The following TBCE variants were observed in gnomAD, a reference collection of about 807,000 sequenced individuals.
TBCE encodes tubulin-specific chaperone E.
Under a neutral mutation model 77.0 loss-of-function variants are expected in TBCE, and 53 were observed. That is an observed-to-expected ratio of 0.69 (90% CI 0.55 to 0.87). The LOEUF is 0.87. TBCE is among the 40% of genes least tolerant of loss of function. The pLI, the probability that TBCE is intolerant of heterozygous loss-of-function variation, is 0.00. For synonymous variants in TBCE, 235 were observed against 241.3 expected (o/e 0.97, Z 0.24); for missense variants, 624 against 622.4 (o/e 1.00, Z -0.03).
chr1:235,398,442 G>A (rs78334653), intron 2 of TBCE, among the ~76,000 whole-genome samples: 17,131 of 151,398 alleles, frequency 0.11, 1,422 homozygotes, highest in Non-Finnish European at 0.17. Context: ...CACCGTGCCC[G>A]GGTATTGGAA....
At chr1:235,424,430 T>C (rs1680584961) in intron 5 of TBCE, among the ~76,000 whole-genome samples, 1 of 145,618 alleles carries the variant, frequency 6.9e-6, no homozygotes, top group South Asian at 2.2e-4. Flanking sequence ...GGTTCAAGGA[T>C]TCTTCTGCCT....
chr1:235,386,023 A>G (rs929643780), intron 2 of TBCE, among the ~76,000 whole-genome samples: 1 of 152,192 alleles, frequency 6.6e-6, no homozygotes, highest in East Asian at 1.9e-4. Flanking sequence ...TGGTGACAAA[A>G]TCTCTCAGTA....
chr1:235,389,609 G>T lies in TBCE; in HGVS notation c.100+9460G>T, dbSNP rs149485500. Among the ~76,000 whole-genome samples the T allele has an allele frequency of 5.5e-3, 832 of 152,184 alleles. 7 individuals are homozygous for T. Among genetic ancestry groups the T allele is most frequent in the African/African-American group, 0.019 (808 of 41,530 alleles). On this transcript the variant is annotated intron_variant, in intron 2 of 16. Coordinates refer to ENST00000642610, the MANE Select transcript of TBCE (RefSeq NM_003193.5). Reference sequence around the variant, plus strand: ...ACCTCCCAAAGTGCTGGGATTACAGGTGTGAGCCACCACGCCTGGCCTGCA... The same window carrying T: ...ACCTCCCAAAGTGCTGGGATTACAGTTGTGAGCCACCACGCCTGGCCTGCA...
chr1:235,448,465 G>GTCAAAGTCAAGCT, intron 16 of TBCE, 25 bp downstream of exon 16: 1 of 1,606,266 alleles, frequency 6.2e-7, no homozygotes, highest in Non-Finnish European at 8.5e-7. Context: ...AAAATACAAA[G>GTCAAAGTCAAGCT]TCAAAGTCAA....
intron 5 of TBCE, among the ~76,000 whole-genome samples, chr1:235,425,417 C>T (rs559142545): frequency 2.4e-4 from 36 of 152,220 alleles, no homozygotes; most frequent in African/African-American, 7.5e-4. Context: ...TGGAGACTCC[C>T]GGCCCTCCTT....
At chr1:235,440,269 C>G (rs940252287) in intron 13 of TBCE, among the ~76,000 whole-genome samples, 2 of 152,026 alleles carry the variant, frequency 1.3e-5, no homozygotes, top group African/African-American at 4.8e-5. Context: ...CGCGCCCAGC[C>G]AGGGAAAGCA....
intron 2 of TBCE, among the ~76,000 whole-genome samples, chr1:235,383,532 G>A (rs1238640422): frequency 4.6e-5 from 7 of 152,026 alleles, no homozygotes; most frequent in Admixed American, 2.0e-4. Context: ...GGTCCTTCAT[G>A]TCCCTTGTAA....
chr1:235,378,473 C>T (rs1389396260), intron 1 of TBCE, among the ~76,000 whole-genome samples: 1 of 152,190 alleles, frequency 6.6e-6, no homozygotes, highest in African/African-American at 2.4e-5. Context: ...ATCTGCCTGC[C>T]TTGGCCTCCC....
At position 235,438,785 on chromosome 1, in the gene TBCE, G is replaced by A; in HGVS notation, c.1133G>A (p.Arg378Lys). The A allele has an allele frequency of 1.9e-6, 3 of 1,614,180 alleles. No homozygotes were observed. Among genetic ancestry groups the A allele is most frequent in the Non-Finnish European group, 1.7e-6 (2 of 1,180,050 alleles). Residue 378 changes from arginine (R) to lysine (K), a missense_variant, in exon 13 of 17, where the codon AGG (arginine) becomes AAG (lysine). Coordinates refer to ENST00000642610, the MANE Select transcript of TBCE (RefSeq NM_003193.5). ...LNKCEILPEE[R>K]RRAELDYRKA... ...TGAACATAGATTCTCCCCGAGGAGA[G>A]GCGGAGAGCTGAGCTTGACTACCGA... is the stretch of plus-strand genomic sequence containing the variant.
At chr1:235,426,994 A>G (rs1680755304) in intron 5 of TBCE, 146 bp from the exon 6 acceptor site, 6 of 656,054 alleles carry the variant, frequency 9.1e-6, no homozygotes, top group Admixed American at 5.1e-5. Context: ...TAACTTAAAA[A>G]TATTATGTAC....
intron 7 of TBCE, among the ~76,000 whole-genome samples, chr1:235,432,637 G>A (rs1206785313): frequency 6.6e-6 from 1 of 152,052 alleles, no homozygotes; most frequent in East Asian, 1.9e-4. Context: ...AGAGCAAGAC[G>A]CATCTCACCC....
chr1:235,384,730 C>A (rs1029810856), intron 2 of TBCE, among the ~76,000 whole-genome samples: 3 of 152,038 alleles, frequency 2.0e-5, no homozygotes, highest in African/African-American at 7.2e-5. Context: ...GTCTTGCTAG[C>A]GGTCTATCAA....
intron 2 of TBCE, among the ~76,000 whole-genome samples, chr1:235,397,809 C>G (rs1428178707): frequency 2.6e-5 from 4 of 152,190 alleles, no homozygotes; most frequent in Admixed American, 2.6e-4. Context: ...AAGCAAAAAT[C>G]TGGATCTTAC....
intron 5 of TBCE, among the ~76,000 whole-genome samples, chr1:235,421,255 C>T (rs116101863): frequency 8.5e-4 from 129 of 152,180 alleles, no homozygotes; most frequent in Non-Finnish European, 1.7e-3. Flanking sequence ...AAAAATTAAA[C>T]AAAGCAAAAC....
intron 13 of TBCE, 161 bp downstream of exon 13, chr1:235,439,083 G>A (rs1681653476): frequency 3.2e-6 from 3 of 928,554 alleles, no homozygotes; most frequent in East Asian, 5.2e-5. Flanking sequence ...TTCCTGGGGC[G>A]AGGGCGGCAG....
chr1:235,406,017 C>G (rs577632751), intron 3 of TBCE, among the ~76,000 whole-genome samples: 1 of 152,146 alleles, frequency 6.6e-6, no homozygotes, highest in African/African-American at 2.4e-5. Context: ...TTCATTATAT[C>G]GTCTAGTGTT....
rs1368212423 is a variant in TBCE at position 235,450,013 on chromosome 1, A to C, written c.*1251A>C. ...GATAAATAAAAACTTTTCTTATGCT[A>C]CAGTACAAGTTGATTTTTAAGGAAA... On this transcript the variant is annotated 3_prime_UTR_variant, in exon 17 of 17. Coordinates refer to ENST00000642610, the MANE Select transcript of TBCE (RefSeq NM_003193.5). 5.7e-6 allele frequency: 3 copies of C among 529,116 alleles called. No homozygotes were observed. The highest frequency in any genetic ancestry group is 9.6e-6 in the Non-Finnish European group (3 of 313,936). 32.8% of individuals were successfully genotyped at this position (529,116 alleles called of 1,614,324 possible). A position where few individuals can be genotyped will look rare whatever the true frequency, so the allele number is the denominator to read the frequency against.
intron 4 of TBCE, among the ~76,000 whole-genome samples, chr1:235,418,312 T>C (rs1476727032): frequency 6.6e-6 from 1 of 152,260 alleles, no homozygotes. Context: ...GCATATACCG[T>C]GGCCTTTTAG....
chr1:235,406,702 T>A (rs1241960247), intron 3 of TBCE, among the ~76,000 whole-genome samples: 1 of 152,080 alleles, frequency 6.6e-6, no homozygotes, highest in Non-Finnish European at 1.5e-5. Context: ...TGGCTAATTT[T>A]TGTATTTTTA....
Sources: allele counts gnomAD v4.1 joint callset (sites outside exome capture counted in the v4.1 genomes callset), GRCh38; gene constraint gnomAD v4.1.1; transcripts MANE v1.5; gene names NCBI Gene and HGNC (gene_info 2026-07-23, HGNC 2026-07-21).